The following SPECC1 variants were observed in gnomAD, a reference collection of about 807,000 sequenced individuals.
SPECC1 encodes the protein cytospin-B.
A neutral mutation model predicts 104.1 loss-of-function variants in SPECC1; 62 were observed. The ratio of observed to expected loss-of-function variants is 0.60; its 90% CI spans 0.49 to 0.74. SPECC1 has a LOEUF of 0.74. Ranked by LOEUF, SPECC1 falls within the 30% of genes least tolerant of loss-of-function variation. The pLI, the probability that SPECC1 is intolerant of heterozygous loss-of-function variation, is 0.00. For synonymous variants in SPECC1, 513 were observed against 501.6 expected (o/e 1.02, Z -0.30); for missense variants, 1,306 against 1,310.5 (o/e 1.00, Z 0.05).
chr17:20,032,399 T>C (rs1025242166), intron 1 of SPECC1, among the ~76,000 whole-genome samples: 1 of 133,096 alleles, frequency 7.5e-6, no homozygotes, highest in Non-Finnish European at 1.5e-5. Flanking sequence ...AGTATGCATA[T>C]GTTAATGTGA....
At chr17:20,161,491 A>G (rs1239002222) in intron 3 of SPECC1, among the ~76,000 whole-genome samples, 2 of 152,218 alleles carry the variant, frequency 1.3e-5, no homozygotes, top group African/African-American at 2.4e-5. Flanking sequence ...TGGAAGGCCT[A>G]TCAGCATTTA....
chr17:20,194,327 A>G (rs1008328232), intron 3 of SPECC1, among the ~76,000 whole-genome samples: 4 of 151,648 alleles, frequency 2.6e-5, no homozygotes, highest in African/African-American at 9.7e-5. Context: ...ACTTACCCCA[A>G]GTCAGAAACC....
intron 3 of SPECC1, among the ~76,000 whole-genome samples, chr17:20,157,175 C>T (rs543824677): frequency 6.6e-6 from 1 of 152,330 alleles, no homozygotes; most frequent in East Asian, 1.9e-4. Flanking sequence ...GTCCTGGCCT[C>T]TGCGCATTGC....
Position 20,315,801 on chromosome 17 carries a change from A to T in SPECC1, c.*1736A>T, listed in dbSNP as rs2042033041. On this transcript the variant is annotated 3_prime_UTR_variant, in exon 15 of 15. Coordinates refer to ENST00000395527, the MANE Select transcript of SPECC1 (RefSeq NM_001243439.2). ...ATTCTCAAGCCACCTTGAGACAAGA[A>T]CTCCGCCCCCCTGTTAGTGCATCCC... 4.3e-6 allele frequency: 1 copy of T among 232,272 alleles called. No individual in the cohort carries two copies. Among genetic ancestry groups the T allele is most frequent in the Admixed American group, 5.6e-5 (1 of 17,716 alleles). 14.4% of individuals were successfully genotyped at this position (232,272 alleles called of 1,614,324 possible).
chr17:20,059,561 AACT>A (rs2046102909), intron 1 of SPECC1, among the ~76,000 whole-genome samples: 1 of 118,244 alleles, frequency 8.5e-6, no homozygotes, highest in Admixed American at 8.9e-5. Context: ...CATGAAGTGC[AACT>A]TCTTCTACTC....
At chr17:20,035,057 G>A (rs1035674205) in intron 1 of SPECC1, among the ~76,000 whole-genome samples, 6 of 152,084 alleles carry the variant, frequency 3.9e-5, no homozygotes, top group Non-Finnish European at 5.9e-5. Flanking sequence ...ATCTTCCCCC[G>A]TTGAAGTGTT....
In SPECC1 at chr17:20,232,247, A is replaced by G; in HGVS notation, c.2193A>G (p.Ala731=). ...WRRFQADLQT[A]VVVANDIKCE... ...GGTTCCAGGCGGATCTGCAGACCGC[A>G]GTGGTGGTGGCCAATGACATCAAGT... is the stretch of plus-strand genomic sequence containing the variant. The change falls in exon 7 of 15, where the codon GCA becomes GCG. Residue 731 remains alanine (A), a synonymous_variant. Transcript: ENST00000395527. The G allele has an allele frequency of 6.2e-7, 1 of 1,614,220 alleles. No individual in the cohort carries two copies. The highest frequency in any genetic ancestry group is 1.1e-5 in the South Asian group (1 of 91,082).
At chr17:20,025,686 T>G (rs879817891) in intron 1 of SPECC1, among the ~76,000 whole-genome samples, 3 of 152,194 alleles carry the variant, frequency 2.0e-5, no homozygotes, top group African/African-American at 4.8e-5. Context: ...GTACAAGTTT[T>G]TATGTGGATA....
At chr17:20,173,329 C>A (rs984976813) in intron 3 of SPECC1, among the ~76,000 whole-genome samples, 3 of 152,190 alleles carry the variant, frequency 2.0e-5, no homozygotes, top group Non-Finnish European at 4.4e-5. Flanking sequence ...TCTCTCCAGA[C>A]TTTAAGATAT....
At chr17:20,194,395 G>A (rs1170055208) in intron 3 of SPECC1, among the ~76,000 whole-genome samples, 4 of 151,800 alleles carry the variant, frequency 2.6e-5, no homozygotes, top group Non-Finnish European at 5.9e-5. Flanking sequence ...GCTTTTATTG[G>A]CTCTATAAAT....
chr17:20,215,443 T>TG (rs1229595165), intron 4 of SPECC1, among the ~76,000 whole-genome samples: 1 of 152,184 alleles, frequency 6.6e-6, no homozygotes. Flanking sequence ...GAGGCAGTTA[T>TG]GGGGGGTTTA....
At chr17:20,304,500 C>G (rs910343816) in intron 13 of SPECC1, among the ~76,000 whole-genome samples, 1 of 152,080 alleles carries the variant, frequency 6.6e-6, no homozygotes, top group African/African-American at 2.4e-5. Context: ...CCAAAAGAAG[C>G]CACACACTAG....
chr17:20,158,451 A>G (rs2032810250), intron 3 of SPECC1, among the ~76,000 whole-genome samples: 1 of 152,170 alleles, frequency 6.6e-6, no homozygotes, highest in Non-Finnish European at 1.5e-5. Context: ...CAGACCCAAC[A>G]CCTATGAAAG....
intron 3 of SPECC1, among the ~76,000 whole-genome samples, chr17:20,188,730 A>G (rs1048758879): frequency 1.3e-5 from 2 of 152,324 alleles, no homozygotes; most frequent in South Asian, 4.1e-4. Flanking sequence ...TTACAAAACC[A>G]AAGTGCTACA....
intron 13 of SPECC1, among the ~76,000 whole-genome samples, chr17:20,301,356 T>C (rs1238159780): frequency 6.6e-6 from 1 of 151,316 alleles, no homozygotes; most frequent in Non-Finnish European, 1.5e-5. Flanking sequence ...GAGAGGCACA[T>C]GTGTCCAGCC....
At chr17:20,137,786 C>A (rs542294209) in intron 3 of SPECC1, among the ~76,000 whole-genome samples, 2 of 151,908 alleles carry the variant, frequency 1.3e-5, no homozygotes, top group South Asian at 2.1e-4. Context: ...ATACCTCAGC[C>A]TCCTGAGTAG....
At chr17:20,030,157 A>T (rs1323134184) in intron 1 of SPECC1, among the ~76,000 whole-genome samples, 2 of 152,210 alleles carry the variant, frequency 1.3e-5, no homozygotes, top group African/African-American at 4.8e-5. Flanking sequence ...CTGTACCCTG[A>T]GGAAACTAAT....
chr17:20,299,038 G>A (rs770505774), intron 13 of SPECC1, among the ~76,000 whole-genome samples: 15 of 150,734 alleles, frequency 1.0e-4, no homozygotes, highest in Non-Finnish European at 1.9e-4. Context: ...GAACTAGCTC[G>A]AGATTATAGA....
chr17:20,280,142 A>G (rs2040716563), intron 12 of SPECC1, among the ~76,000 whole-genome samples: 1 of 152,236 alleles, frequency 6.6e-6, no homozygotes, highest in Non-Finnish European at 1.5e-5. Context: ...AGAAAACTGG[A>G]AACAACCTAA....
Sources: allele counts gnomAD v4.1 joint callset (sites outside exome capture counted in the v4.1 genomes callset), GRCh38; gene constraint gnomAD v4.1.1; transcripts MANE v1.5; gene names NCBI Gene and HGNC (gene_info 2026-07-23, HGNC 2026-07-21).